Variants in KCNQ1 observed in about 807,000 individuals in gnomAD.
KCNQ1 encodes potassium voltage-gated channel subfamily KQT member 1.
KCNQ1 carries 49 observed loss-of-function variants against 72.4 expected under a neutral mutation model. The observed-to-expected ratio is 0.68, with a 90% CI of 0.54 to 0.86. The LOEUF is 0.86. KCNQ1 is among the 40% of genes least tolerant of loss of function. The pLI is 0.00. For synonymous variants in KCNQ1, 450 were observed against 412.6 expected (o/e 1.09, Z -1.10); for missense variants, 790 against 945.1 (o/e 0.84, Z 2.15).
chr11:2,737,811 C>T (rs1264764761), intron 11 of KCNQ1, among the ~76,000 whole-genome samples: 5 of 152,204 alleles, frequency 3.3e-5, no homozygotes, highest in Admixed American at 6.5e-5. Context: ...ACAGCCCTAA[C>T]TCTGTGATGG....
rs937540841 is a variant in KCNQ1 at position 2,595,743 on chromosome 11, C to T, written c.1393+6889C>T. On this transcript the variant is annotated intron_variant, in intron 10 of 15. Transcript: ENST00000155840. The surrounding 1 kb of genome is among the most constrained non-coding windows in gnomAD (Gnocchi z 5.0). ...GGCTGCTAACACAACATCCATTCTG[C>T]AGCCCATAATCAAGGAGTAATGCCA... 1.3e-5 allele frequency among the ~76,000 whole-genome samples: 2 copies of T among 152,180 alleles called. No individual in the cohort carries two copies. The highest frequency in any genetic ancestry group is 4.8e-5 in the African/African-American group (2 of 41,440).
chr11:2,729,762 AC>A (rs1291674830), intron 11 of KCNQ1, among the ~76,000 whole-genome samples: 1 of 152,164 alleles, frequency 6.6e-6, no homozygotes, highest in Non-Finnish European at 1.5e-5. Flanking sequence ...GGATTTGGGT[AC>A]CTGCGGGAGG....
At position 2,787,569 on chromosome 11, in the gene KCNQ1, G is replaced by A. The variant is rs1846936669; in HGVS notation, c.1794+9532G>A. Among the ~76,000 whole-genome samples, 1 of 151,992 alleles carries A rather than the reference G, an allele frequency of 6.6e-6. No homozygotes were observed. The highest frequency in any genetic ancestry group is 1.5e-5 in the Non-Finnish European group (1 of 68,004). On this transcript the variant is annotated intron_variant, in intron 15 of 15. Coordinates refer to ENST00000155840, the MANE Select transcript of KCNQ1 (RefSeq NM_000218.3). The surrounding 1 kb of genome is among the most constrained non-coding windows in gnomAD (Gnocchi z 6.3). ...CACTTTTTTAATTTAAAAGAAATAA[G>A]TAAAATTGATTACAATAATATATTT...
chr11:2,795,167 C>T (rs1234996901), intron 15 of KCNQ1, among the ~76,000 whole-genome samples: 1 of 152,230 alleles, frequency 6.6e-6, no homozygotes, highest in Non-Finnish European at 1.5e-5. Flanking sequence ...CGTCAGTCTC[C>T]GCATCTCGCC....
intron 11 of KCNQ1, chr11:2,686,717 T>G (rs1369285823): frequency 5.5e-5 from 22 of 398,540 alleles, no homozygotes; most frequent in Non-Finnish European, 8.8e-5. Flanking sequence ...GAAGTCCTAC[T>G]CGGCCCCACT....
At chr11:2,630,703 A>G in intron 10 of KCNQ1, 1 of 398,400 alleles carries the variant, frequency 2.5e-6, no homozygotes, top group South Asian at 1.3e-4. Flanking sequence ...TTTTCATGTT[A>G]CTAATTATCA....
Position 2,690,388 on chromosome 11 carries a change from CA to C in KCNQ1, c.1514+28311del. On this transcript the variant is annotated intron_variant, in intron 11 of 15. Transcript: ENST00000155840. The surrounding 1 kb of genome is among the most constrained non-coding windows in gnomAD (Gnocchi z 5.1). Reference sequence around the variant, plus strand: ...ACTTGGCATGGAACATGTGCCAGACCAAAAGAGCTATCTCTCTCCCTGCGAA... The same window carrying C: ...ACTTGGCATGGAACATGTGCCAGACCAAAGAGCTATCTCTCTCCCTGCGAA... The C allele has an allele frequency of 2.5e-6, 1 of 398,632 alleles. No homozygotes were observed. The highest frequency in any genetic ancestry group is 4.4e-6 in the Non-Finnish European group (1 of 226,096). 24.7% of individuals were successfully genotyped at this position (398,632 alleles called of 1,614,324 possible).
chr11:2,584,889 C>G (rs1848569935), intron 7 of KCNQ1, among the ~76,000 whole-genome samples: 1 of 152,172 alleles, frequency 6.6e-6, no homozygotes, highest in Admixed American at 6.5e-5. Flanking sequence ...ACCCCAATCC[C>G]AGTGCCCAGT....
At chr11:2,558,033 A>G (rs951000852) in intron 2 of KCNQ1, among the ~76,000 whole-genome samples, 1 of 152,252 alleles carries the variant, frequency 6.6e-6, no homozygotes, top group African/African-American at 2.4e-5. Flanking sequence ...AAGATTGGGG[A>G]AGAAAAATCC....
intron 10 of KCNQ1, chr11:2,615,611 T>C (rs1849047861): frequency 2.5e-6 from 1 of 398,092 alleles, no homozygotes; most frequent in Non-Finnish European, 4.4e-6. Flanking sequence ...TTTTGTCAAA[T>C]GCTTGTTCTG....
intron 10 of KCNQ1, chr11:2,610,356 TATA>T (rs765954015): frequency 3.1e-4 from 123 of 398,118 alleles, no homozygotes; most frequent in Non-Finnish European, 3.8e-4. Flanking sequence ...GATCATACTA[TATA>T]ATGATATATC....
At position 2,587,643 on chromosome 11, in the gene KCNQ1, G is replaced by A. The variant is rs542628042; in HGVS notation, c.1202G>A (p.Arg401Gln). ...AAGATCTACATCCGGAAGGCCCCCC[G>A]GAGCCACACTCTGCTGTCACCCAGC... Reference protein sequence around the residue: ...TWKIYIRKAPRSHTLLSPSPK... With the variant: ...TWKIYIRKAPQSHTLLSPSPK... The change falls in exon 9 of 16, where the codon CGG becomes CAG. Residue 401 changes from arginine to glutamine, a missense_variant. Coordinates refer to ENST00000155840, the MANE Select transcript of KCNQ1 (RefSeq NM_000218.3). 21 of 1,613,902 alleles carry A rather than the reference G, an allele frequency of 1.3e-5. No individual in the cohort carries two copies. The highest frequency in any genetic ancestry group is 4.0e-5 in the African/African-American group (3 of 75,040).
At chr11:2,461,505 C>T (rs765475642) in intron 1 of KCNQ1, 119 of 1,315,184 alleles carry the variant, frequency 9.0e-5, no homozygotes, top group Non-Finnish European at 1.1e-4. Flanking sequence ...ACTGTCTTTG[C>T]GCCTGCACAT....
rs1590037067 is a variant in KCNQ1 at position 2,694,024 on chromosome 11, C to T, written c.1514+31943C>T. ...TAGGCCACCTCCAACTTGGTCAAGC[C>T]ACAGGTGCCCATGCCATAGATGGCT... is the stretch of plus-strand genomic sequence containing the variant. On this transcript the variant is annotated intron_variant, in intron 11 of 15. Coordinates refer to ENST00000155840, the MANE Select transcript of KCNQ1 (RefSeq NM_000218.3). 1.8e-5 allele frequency: 7 copies of T among 398,722 alleles called. No individual in the cohort carries two copies. The East Asian group carries it at 2.5e-4, about 14-fold the overall frequency. 24.7% of individuals were successfully genotyped at this position (398,722 alleles called of 1,614,324 possible).
chr11:2,742,095 G>T (rs1564878386), intron 11 of KCNQ1, among the ~76,000 whole-genome samples: 2 of 152,250 alleles, frequency 1.3e-5, no homozygotes, highest in Non-Finnish European at 2.9e-5. Flanking sequence ...CACATTAGAA[G>T]GTAGAAGGAA....
Position 2,446,324 on chromosome 11 carries a change from C to T in KCNQ1, c.386+840C>T, listed in dbSNP as rs1846036177. Among the ~76,000 whole-genome samples the T allele has an allele frequency of 6.6e-6, 1 of 152,226 alleles. No homozygotes were observed. Among genetic ancestry groups the T allele is most frequent in the Admixed American group, 6.5e-5 (1 of 15,294 alleles). ...CCCCGCTGCCCCAGTGGCCCTACTT[C>T]CTGGCTGCCCAGCCAGCGGCCTTTT... On this transcript the variant is annotated intron_variant, in intron 1 of 15. Coordinates refer to ENST00000155840, the MANE Select transcript of KCNQ1 (RefSeq NM_000218.3). The surrounding 1 kb of genome is among the most constrained non-coding windows in gnomAD (Gnocchi z 8.8).
Position 2,566,888 on chromosome 11 carries a change from G to C in KCNQ1, c.478-3740G>C, listed in dbSNP as rs983102642. Among the ~76,000 whole-genome samples the C allele has an allele frequency of 6.6e-6, 1 of 150,696 alleles. No individual in the cohort carries two copies. The highest frequency in any genetic ancestry group is 1.5e-5 in the Non-Finnish European group (1 of 67,850). On this transcript the variant is annotated intron_variant, in intron 2 of 15. Transcript: ENST00000155840. This position sits in a 1 kb window ranked among gnomAD's most constrained non-coding sequence, Gnocchi z 6.7. ...AGTGGGGGAGTCAGGAAGTACCCCG[G>C]TTCTGTACCTGTAGTGGATGGGGCT...
rs1451442578 is a variant in KCNQ1, at chr11:2,446,858, G to A, written c.386+1374G>A. 2.6e-5 allele frequency among the ~76,000 whole-genome samples: 4 copies of A among 152,200 alleles called. No individual in the cohort carries two copies. The highest frequency in any genetic ancestry group is 6.5e-5 in the Admixed American group (1 of 15,284). The stretch of plus-strand genomic sequence containing the variant: ...CTCGTGGCTGCAACAGCGGGGGCTC[G>A]GCTTGGGGTTTGGGAGATATTTGTG... On this transcript the variant is annotated intron_variant, in intron 1 of 15. Coordinates refer to ENST00000155840, the MANE Select transcript of KCNQ1 (RefSeq NM_000218.3). The surrounding 1 kb of genome is among the most constrained non-coding windows in gnomAD (Gnocchi z 8.8).
At chr11:2,701,434 G>A (rs759014823) in intron 11 of KCNQ1, among the ~76,000 whole-genome samples, 3 of 152,136 alleles carry the variant, frequency 2.0e-5, no homozygotes, top group Admixed American at 1.3e-4. Flanking sequence ...ATCAGAGGGC[G>A]CAGTCCACCC....
Sources: allele counts gnomAD v4.1 joint callset (sites outside exome capture counted in the v4.1 genomes callset), GRCh38; gene constraint gnomAD v4.1.1; non-coding constraint Gnocchi (gnomAD v3.1); transcripts MANE v1.5; gene names NCBI Gene and HGNC (gene_info 2026-07-23, HGNC 2026-07-21).